Variants in PALS2 observed in about 807,000 individuals in gnomAD.
The protein encoded by PALS2 is protein PALS2.
PALS2 carries 27 observed loss-of-function variants against 61.6 expected under a neutral mutation model. That is an observed-to-expected ratio of 0.44 (90% CI 0.32 to 0.60). The LOEUF (loss-of-function observed/expected upper bound fraction) is 0.60. Among genes scored for constraint, PALS2 ranks in the 20% least tolerant of loss-of-function variants. The pLI, the probability that PALS2 is intolerant of heterozygous loss-of-function variation, is 0.05. For missense variants in PALS2, 554 were observed against 639.4 expected, an observed-to-expected ratio of 0.87 and a Z score of 1.44; for synonymous variants, 236 against 218.6, an observed-to-expected ratio of 1.08 and a Z score of -0.70.
chr7:24,658,783 T>C (rs557297505), intron 5 of PALS2, among the ~76,000 whole-genome samples: 70 of 151,942 alleles, frequency 4.6e-4, no homozygotes, highest in Admixed American at 9.2e-4. Flanking sequence ...TCTCGATCTC[T>C]TGATCTCGTG....
intron 5 of PALS2, among the ~76,000 whole-genome samples, chr7:24,662,702 G>A (rs1034673411): frequency 6.7e-6 from 1 of 150,362 alleles, no homozygotes; most frequent in East Asian, 1.9e-4. Flanking sequence ...CTGGGAGGCG[G>A]AGGTTGCGGT....
At chr7:24,631,640 T>C (rs535946474) in intron 2 of PALS2, among the ~76,000 whole-genome samples, 1 of 152,190 alleles carries the variant, frequency 6.6e-6, no homozygotes, top group Non-Finnish European at 1.5e-5. Flanking sequence ...GAGAAATCTT[T>C]CATGAAAGGA....
At chr7:24,644,616 C>A (rs191584323) in intron 3 of PALS2, among the ~76,000 whole-genome samples, 14 of 151,816 alleles carry the variant, frequency 9.2e-5, no homozygotes, top group Non-Finnish European at 2.1e-4. Flanking sequence ...CATTTGCATG[C>A]ATGTCTTTAT....
Position 24,691,405 on chromosome 7 carries a change from G to GTGTGTGTGTGTGTA in PALS2, c.*3792_*3793insGTGTGTGTGTGTAT, listed in dbSNP as rs1274329385. On this transcript the variant is annotated 3_prime_UTR_variant, in exon 12 of 12. Coordinates refer to ENST00000222644, the MANE Select transcript of PALS2 (RefSeq NM_001303037.2). Reference sequence around the variant, plus strand: ...ATATTATGTATGTGTGTGTGTGTGTGTATATATATATATATATATATATAT... The same window carrying GTGTGTGTGTGTGTA: ...ATATTATGTATGTGTGTGTGTGTGTGTGTGTGTGTGTGTATATATATATATATATATATATATAT... 27 of 110,588 alleles carry GTGTGTGTGTGTGTA rather than the reference G, an allele frequency of 2.4e-4. No homozygotes were observed. Among genetic ancestry groups the GTGTGTGTGTGTGTA allele is most frequent in the South Asian group, 9.9e-4 (3 of 3,018 alleles). The allele number at this position is 110,588 out of a possible 1,614,324, so 6.9% of individuals were successfully genotyped here.
intron 9 of PALS2, among the ~76,000 whole-genome samples, chr7:24,669,818 A>G (rs1476957809): frequency 6.6e-6 from 1 of 152,226 alleles, no homozygotes; most frequent in Admixed American, 6.5e-5. Context: ...GTAAATCACT[A>G]AATTTAGACA....
intron 1 of PALS2, among the ~76,000 whole-genome samples, chr7:24,617,378 A>G (rs1562616663): frequency 6.6e-6 from 1 of 152,144 alleles, no homozygotes; most frequent in Middle Eastern, 3.4e-3. Context: ...TATTTTGTAT[A>G]TTTCCTAATA....
At chr7:24,597,378 C>T (rs1783562423) in intron 1 of PALS2, among the ~76,000 whole-genome samples, 1 of 152,002 alleles carries the variant, frequency 6.6e-6, no homozygotes, top group Admixed American at 6.6e-5. Flanking sequence ...TGATCTTTTC[C>T]AAGAAGTTTG....
chr7:24,677,326 A>T (rs1293393214), intron 9 of PALS2, among the ~76,000 whole-genome samples: 1 of 152,070 alleles, frequency 6.6e-6, no homozygotes, highest in Non-Finnish European at 1.5e-5. Flanking sequence ...AACAGGGACA[A>T]TTTGACTTCC....
chr7:24,693,192 A>G lies in PALS2; in HGVS notation c.*5578A>G, dbSNP rs1253451037. On this transcript the variant is annotated 3_prime_UTR_variant, in exon 12 of 12. Coordinates refer to ENST00000222644, the MANE Select transcript of PALS2 (RefSeq NM_001303037.2). ...AGATTGAGTGATTTACTGCTTGTAA[A>G]GCAACTGTCTTTGAATCTTATGAAA... The G allele has an allele frequency of 6.6e-6, 1 of 152,218 alleles. No homozygotes were observed. The highest frequency in any genetic ancestry group is 2.4e-5 in the African/African-American group (1 of 41,458). 9.4% of individuals were successfully genotyped at this position (152,218 alleles called of 1,614,324 possible).
chr7:24,590,782 C>A (rs62449807), intron 1 of PALS2, among the ~76,000 whole-genome samples: 1 of 151,608 alleles, frequency 6.6e-6, no homozygotes, highest in Admixed American at 6.6e-5. Context: ...GTCATAACTT[C>A]AGTACCTACT....
intron 2 of PALS2, among the ~76,000 whole-genome samples, chr7:24,627,587 T>C (rs1392470720): frequency 6.6e-6 from 1 of 152,058 alleles, no homozygotes; most frequent in Non-Finnish European, 1.5e-5. Flanking sequence ...AGCTGGTTTT[T>C]TGAAAAGATT....
intron 1 of PALS2, among the ~76,000 whole-genome samples, chr7:24,587,240 G>GA (rs1431245635): frequency 6.6e-6 from 1 of 152,072 alleles, no homozygotes. Flanking sequence ...GACGTTAACT[G>GA]GAATGACGAT....
At chr7:24,590,399 C>T (rs972967798) in intron 1 of PALS2, among the ~76,000 whole-genome samples, 6 of 152,062 alleles carry the variant, frequency 3.9e-5, no homozygotes, top group Non-Finnish European at 7.4e-5. Context: ...TTTGCCAAGG[C>T]TTTTCTTTGG....
chr7:24,682,546 G>A (rs1787990370), intron 11 of PALS2, among the ~76,000 whole-genome samples: 1 of 152,064 alleles, frequency 6.6e-6, no homozygotes, highest in African/African-American at 2.4e-5. Context: ...AGGAAGCTGG[G>A]GTAATCATAA....
At chr7:24,606,514 TAGTCAGAA>T (rs1417842460) in intron 1 of PALS2, among the ~76,000 whole-genome samples, 1 of 152,174 alleles carries the variant, frequency 6.6e-6, no homozygotes, top group Non-Finnish European at 1.5e-5. Flanking sequence ...TTTGAAAAAT[TAGTCAGAA>T]AGAGATGGTT....
chr7:24,632,449 G>C (rs952639963), intron 2 of PALS2, among the ~76,000 whole-genome samples: 1 of 152,042 alleles, frequency 6.6e-6, no homozygotes, highest in African/African-American at 2.4e-5. Context: ...TGCCAGGCTG[G>C]AGTGCAGTGG....
In PALS2 at chr7:24,631,568, T is replaced by C. The variant is rs114260970; in HGVS notation, c.117+7784T>C. ...ATAAAGCAGGAGCAGTTTGAAAGAA[T>C]TGACTCCAATTTTGAAAGTTTTGCT... On this transcript the variant is annotated intron_variant, in intron 2 of 11. Coordinates refer to ENST00000222644, the MANE Select transcript of PALS2 (RefSeq NM_001303037.2). Among the ~76,000 whole-genome samples the C allele has an allele frequency of 6.7e-3, 1,026 of 152,318 alleles. 12 individuals are homozygous for C. The highest frequency in any genetic ancestry group is 0.024 in the African/African-American group (980 of 41,568).
chr7:24,594,759 C>T (rs984055557), intron 1 of PALS2, among the ~76,000 whole-genome samples: 1 of 152,062 alleles, frequency 6.6e-6, no homozygotes, highest in Non-Finnish European at 1.5e-5. Context: ...TACCTTGACC[C>T]TATCACCATA....
chr7:24,640,995 G>A (rs1318568366), intron 2 of PALS2, among the ~76,000 whole-genome samples: 13 of 110,708 alleles, frequency 1.2e-4, no homozygotes, highest in East Asian at 3.0e-4. Context: ...GCAACAGTGC[G>A]AGACTCCATC....
Sources: allele counts gnomAD v4.1 joint callset (sites outside exome capture counted in the v4.1 genomes callset), GRCh38; gene constraint gnomAD v4.1.1; transcripts MANE v1.5; gene names NCBI Gene and HGNC (gene_info 2026-07-23, HGNC 2026-07-21).